Variants in CASP6 observed in about 807,000 individuals in gnomAD.
CASP6 encodes the protein caspase 6.
Under a neutral mutation model 31.8 loss-of-function variants are expected in CASP6, and 20 were observed. That is an observed-to-expected ratio of 0.63 (90% CI 0.44 to 0.91). The LOEUF is 0.91. CASP6 is among the 40% of genes least tolerant of loss of function. The pLI is 0.00. For missense variants in CASP6, 328 were observed against 361.1 expected (o/e 0.91, Z 0.74); for synonymous variants, 130 against 127.8 (o/e 1.02, Z -0.12).
chr4:109,675,412 CCACA>C, the CASP6 span, among the ~76,000 whole-genome samples: 1 of 152,226 alleles, frequency 6.6e-6, no homozygotes, highest in Admixed American at 6.5e-5. Flanking sequence ...CCCCCTCACA[CCACA>C]CACACTAAGA....
upstream of CASP6, among the ~76,000 whole-genome samples, chr4:109,707,490 G>A (rs986627570): frequency 1.3e-5 from 2 of 151,506 alleles, no homozygotes; most frequent in Non-Finnish European, 2.9e-5. Context: ...GGGTTCAAGC[G>A]ATTCTCCTGC....
chr4:109,705,793 T>G (rs1168225965), upstream of CASP6, among the ~76,000 whole-genome samples: 1 of 148,258 alleles, frequency 6.7e-6, no homozygotes, highest in Non-Finnish European at 1.5e-5. Context: ...TAGGCAACAA[T>G]GCAAGACCCT....
the CASP6 span, among the ~76,000 whole-genome samples, chr4:109,676,245 A>C: frequency 6.6e-6 from 1 of 152,162 alleles, no homozygotes; most frequent in Non-Finnish European, 1.5e-5. Flanking sequence ...GTTTGTAGAA[A>C]TATCGATGGT....
Position 109,689,414 on chromosome 4 carries a change from G to A in CASP6, c.798C>T (p.Asp266=). ...VSQRRVDFCK[D]PSAIGKKQVP... ...CCTGCTTCTTTCCAATTGCACTTGG[G>A]TCTTTGCAAAAGTCCACTCGGCGCT... The change falls in exon 7 of 7, where the codon GAC becomes GAT. Residue 266 remains aspartate, a synonymous_variant. Coordinates refer to ENST00000265164, the MANE Select transcript of CASP6 (RefSeq NM_001226.4). The A allele has an allele frequency of 6.2e-7, 1 of 1,614,158 alleles. No homozygotes were observed. Among genetic ancestry groups the A allele is most frequent in the East Asian group, 2.2e-5 (1 of 44,884 alleles).
At chr4:109,670,974 C>G in the CASP6 span, among the ~76,000 whole-genome samples, 6 of 152,228 alleles carry the variant, frequency 3.9e-5, no homozygotes, top group Non-Finnish European at 7.4e-5. Context: ...GTTTTCCTAC[C>G]CTGGTACTGA....
chr4:109,676,354 CA>C, the CASP6 span, among the ~76,000 whole-genome samples: 2 of 152,048 alleles, frequency 1.3e-5, no homozygotes, highest in Admixed American at 1.3e-4. Flanking sequence ...GTGTGGCCAA[CA>C]TAGTGAAACC....
upstream of CASP6, among the ~76,000 whole-genome samples, chr4:109,706,346 T>C (rs991039358): frequency 6.6e-6 from 1 of 151,164 alleles, no homozygotes; most frequent in Non-Finnish European, 1.5e-5. Flanking sequence ...CAAATAGAAT[T>C]GGAAGTGGGG....
At chr4:109,697,344 T>TC (rs1730277952) in intron 3 of CASP6, among the ~76,000 whole-genome samples, 1 of 151,918 alleles carries the variant, frequency 6.6e-6, no homozygotes, top group Admixed American at 6.6e-5. Flanking sequence ...TGATCACAGC[T>TC]CCGTGCAGCC....
the CASP6 span, among the ~76,000 whole-genome samples, chr4:109,672,859 C>T: frequency 6.6e-6 from 1 of 152,120 alleles, no homozygotes; most frequent in Non-Finnish European, 1.5e-5. Context: ...AGTACTTTTA[C>T]TTTTTGATAT....
intron 5 of CASP6, among the ~76,000 whole-genome samples, chr4:109,691,686 G>A (rs1342080932): frequency 6.6e-6 from 1 of 152,174 alleles, no homozygotes; most frequent in Non-Finnish European, 1.5e-5. Flanking sequence ...TTCATATGTT[G>A]AAGTCCTAGC....
At chr4:109,675,279 C>A in the CASP6 span, among the ~76,000 whole-genome samples, 41 of 152,348 alleles carry the variant, frequency 2.7e-4, no homozygotes, top group South Asian at 7.9e-3. Context: ...TTTCGTGCCA[C>A]TTGACAAAGA....
downstream of CASP6, chr4:109,685,163 T>C: frequency 3.1e-6 from 2 of 648,360 alleles, no homozygotes; most frequent in Non-Finnish European, 5.5e-6. Context: ...TCTTTTGCTT[T>C]GGTGTTGCTG....
At chr4:109,695,303 A>G (rs1285953356) in intron 4 of CASP6, among the ~76,000 whole-genome samples, 1 of 152,218 alleles carries the variant, frequency 6.6e-6, no homozygotes, top group East Asian at 1.9e-4. Context: ...TGTGGAAAAC[A>G]TAAAGGGATT....
the CASP6 span, among the ~76,000 whole-genome samples, chr4:109,665,820 TG>T: frequency 6.6e-6 from 1 of 151,292 alleles, no homozygotes; most frequent in Non-Finnish European, 1.5e-5. Context: ...TTGGCAGGGG[TG>T]GGGGCGCATG....
chr4:109,676,398 T>C, the CASP6 span, among the ~76,000 whole-genome samples: 2 of 152,106 alleles, frequency 1.3e-5, no homozygotes, highest in Non-Finnish European at 1.5e-5. Context: ...AATATGTATA[T>C]GGTAAAGGCC....
At chr4:109,665,066 G>T in the CASP6 span, among the ~76,000 whole-genome samples, 1 of 152,096 alleles carries the variant, frequency 6.6e-6, no homozygotes, top group Admixed American at 6.6e-5. Context: ...TCCCACACCA[G>T]ACTGGTATAT....
Position 109,689,138 on chromosome 4 carries a change from G to A in CASP6, c.*192C>T. 1 of 510,040 alleles carries A rather than the reference G, an allele frequency of 2.0e-6. No homozygotes were observed. Among genetic ancestry groups the A allele is most frequent in the African/African-American group, 1.9e-5 (1 of 52,310 alleles). 31.6% of individuals were successfully genotyped at this position (510,040 alleles called of 1,614,324 possible). A position where few individuals can be genotyped will look rare whatever the true frequency, so the allele number is the denominator to read the frequency against. On this transcript the variant is annotated 3_prime_UTR_variant, in exon 7 of 7. Transcript: ENST00000265164. ...TTGCAGGCATGCGCCGCCATGCCTA[G>A]CTAAATTTTTTTTTGCATTTTTAGT... is the stretch of plus-strand genomic sequence containing the variant.
chr4:109,669,707 T>A, the CASP6 span, among the ~76,000 whole-genome samples: 3 of 151,988 alleles, frequency 2.0e-5, no homozygotes, highest in Admixed American at 2.0e-4. Flanking sequence ...GGTTTTTTTT[T>A]TTTCAGTCTT....
upstream of CASP6, chr4:109,703,459 C>A: frequency 1.3e-6 from 2 of 1,572,358 alleles, no homozygotes; most frequent in Non-Finnish European, 1.7e-6. Context: ...CTCCCGGGCC[C>A]GGCCCCGCCC....
Sources: allele counts gnomAD v4.1 joint callset (sites outside exome capture counted in the v4.1 genomes callset), GRCh38; gene constraint gnomAD v4.1.1; transcripts MANE v1.5; gene names NCBI Gene and HGNC (gene_info 2026-07-23, HGNC 2026-07-21).